Variants in STAP1 observed in about 807,000 individuals in gnomAD.
The protein encoded by STAP1 is signal transducing adaptor family member 1.
Under a neutral mutation model 37.8 loss-of-function variants are expected in STAP1, and 30 were observed. The ratio of observed to expected loss-of-function variants is 0.79; its 90% CI spans 0.59 to 1.08. The LOEUF is 1.08. Among genes scored for constraint, STAP1 ranks in the 50% least tolerant of loss-of-function variants. STAP1 has a pLI of 0.00. For synonymous variants in STAP1, 130 were observed against 116.0 expected (o/e 1.12, Z -0.78); for missense variants, 357 against 349.4 (o/e 1.02, Z -0.17).
chr4:67,564,407 A>T (rs1727419819), intron 1 of STAP1, among the ~76,000 whole-genome samples: 1 of 152,068 alleles, frequency 6.6e-6, no homozygotes, highest in Admixed American at 6.5e-5. Flanking sequence ...CACCTCTACA[A>T]TTTTTCTCGA....
chr4:67,589,863 G>A (rs182876173), intron 6 of STAP1, among the ~76,000 whole-genome samples: 109 of 151,550 alleles, frequency 7.2e-4, no homozygotes, highest in Non-Finnish European at 1.5e-3. Context: ...AGAATGCAGC[G>A]GCACCATCAT....
chr4:67,565,110 C>T (rs181732470), intron 1 of STAP1, among the ~76,000 whole-genome samples: 2 of 152,006 alleles, frequency 1.3e-5, no homozygotes, highest in Non-Finnish European at 2.9e-5. Context: ...AAGAGTTGGT[C>T]GGATAAGCAA....
At chr4:67,561,454 G>A (rs1292026759) in intron 1 of STAP1, among the ~76,000 whole-genome samples, 1 of 152,166 alleles carries the variant, frequency 6.6e-6, no homozygotes, top group Non-Finnish European at 1.5e-5. Context: ...GAAATGCTGA[G>A]AGGTGCTTCT....
chr4:67,575,179 C>A (rs903971173), intron 2 of STAP1, among the ~76,000 whole-genome samples: 14 of 152,094 alleles, frequency 9.2e-5, no homozygotes, highest in Non-Finnish European at 1.6e-4. Flanking sequence ...GAAAATTTAA[C>A]AATTGGCTTT....
chr4:67,569,081 A>G (rs938650582), intron 1 of STAP1, among the ~76,000 whole-genome samples: 2 of 152,238 alleles, frequency 1.3e-5, no homozygotes, highest in African/African-American at 4.8e-5. Context: ...GGTATAGCCT[A>G]TTACACACCT....
At chr4:67,602,829 C>T (rs1300556716) in intron 8 of STAP1, among the ~76,000 whole-genome samples, 2 of 152,098 alleles carry the variant, frequency 1.3e-5, no homozygotes, top group East Asian at 1.9e-4. Context: ...CTGGGTCATA[C>T]CTGGAGCCAG....
At chr4:67,595,788 C>A (rs967355563) in intron 8 of STAP1, among the ~76,000 whole-genome samples, 12 of 152,070 alleles carry the variant, frequency 7.9e-5, no homozygotes, top group African/African-American at 2.9e-4. Flanking sequence ...TAGAATCATC[C>A]TGTTGCCATC....
intron 8 of STAP1, among the ~76,000 whole-genome samples, chr4:67,594,474 T>G (rs1311816379): frequency 6.6e-6 from 1 of 151,522 alleles, no homozygotes; most frequent in Non-Finnish European, 1.5e-5. Context: ...TTGTAAATTG[T>G]GAATGTAAGA....
chr4:67,604,642 GA>G (rs1244595088), intron 8 of STAP1, among the ~76,000 whole-genome samples: 1 of 152,176 alleles, frequency 6.6e-6, no homozygotes, highest in African/African-American at 2.4e-5. Context: ...GAAAACTGGG[GA>G]ATTGGTCAAA....
chr4:67,569,626 T>G (rs1437776833), intron 1 of STAP1, among the ~76,000 whole-genome samples: 2 of 152,140 alleles, frequency 1.3e-5, no homozygotes, highest in Non-Finnish European at 2.9e-5. Flanking sequence ...TTTTTTTACT[T>G]TTTAAGCTTT....
chr4:67,572,116 T>C (rs1727619019), intron 2 of STAP1, among the ~76,000 whole-genome samples: 1 of 152,208 alleles, frequency 6.6e-6, no homozygotes, highest in Admixed American at 6.5e-5. Flanking sequence ...CCTGCCTGGG[T>C]GTTTGTCCTA....
rs1164807981 is a variant in STAP1 at position 67,558,874 on chromosome 4, C to T, written c.65C>T (p.Thr22Ile). 1 of 1,613,852 alleles carries T rather than the reference C, an allele frequency of 6.2e-7. No individual in the cohort carries two copies. Among genetic ancestry groups the T allele is most frequent in the Non-Finnish European group, 8.5e-7 (1 of 1,179,810 alleles). ...RRIFQERLKI[T>I]ALPLYFEGFL... is the part of the protein sequence containing the mutation. Reference sequence around the variant, plus strand: ...ATCTTCCAGGAAAGGTTAAAGATTACTGCTCTACCTTTGTACTTTGAAGGT... The same window carrying T: ...ATCTTCCAGGAAAGGTTAAAGATTATTGCTCTACCTTTGTACTTTGAAGGT... The change falls in exon 1 of 9, where the codon ACT (threonine) becomes ATT (isoleucine). Residue 22 changes from threonine (T) to isoleucine (I), a missense_variant. Transcript: ENST00000265404.
rs1045015453 is a variant in STAP1 at position 67,581,178 on chromosome 4, T to G, written c.364-127T>G. 9.6e-5 allele frequency: 83 copies of G among 865,876 alleles called. No homozygotes were observed. The African/African-American group carries it at 1.1e-3, about 11-fold the overall frequency. 53.6% of individuals were successfully genotyped at this position (865,876 alleles called of 1,614,324 possible). ...CTAAAATCCTCTGTTTCTTATTCCC[T>G]TAGTCCCTACTCATTCACCTCTGTC... On this transcript the variant is annotated intron_variant, in intron 4 of 8. Coordinates refer to ENST00000265404, the MANE Select transcript of STAP1 (RefSeq NM_012108.4).
chr4:67,570,228 G>T lies in STAP1; in HGVS notation c.121-856G>T, dbSNP rs146626840. ...AGTAAGTACATAAACCAGTAACATA[G>T]TCATTTATTAATCATTAACAAGTAT... On this transcript the variant is annotated intron_variant, in intron 1 of 8. Coordinates refer to ENST00000265404, the MANE Select transcript of STAP1 (RefSeq NM_012108.4). 2.4e-3 allele frequency among the ~76,000 whole-genome samples: 365 copies of T among 152,184 alleles called. 2 individuals are homozygous for T. The highest frequency in any genetic ancestry group is 8.4e-3 in the African/African-American group (347 of 41,496).
intron 1 of STAP1, among the ~76,000 whole-genome samples, chr4:67,569,498 C>T (rs1055771189): frequency 6.6e-6 from 1 of 152,096 alleles, no homozygotes; most frequent in African/African-American, 2.4e-5. Flanking sequence ...ATTTTTGACT[C>T]TTTTGTAATA....
chr4:67,600,199 T>A (rs1305912053), intron 8 of STAP1, among the ~76,000 whole-genome samples: 1 of 152,188 alleles, frequency 6.6e-6, no homozygotes. Flanking sequence ...GTCTCTTGAA[T>A]TGCCATTTTG....
chr4:67,577,654 T>TC (rs1560460010), intron 4 of STAP1, among the ~76,000 whole-genome samples: 1 of 143,410 alleles, frequency 7.0e-6, no homozygotes. Context: ...TTTCTTTCTT[T>TC]TTTTTTTTTT....
In STAP1 at chr4:67,595,149, C is replaced by T. The variant is rs190416841; in HGVS notation, c.826+1793C>T. ...AGAAGTGCTGTGATTTCATGTTTCACATTTAGATCTATGATACATTTTGAA... is the reference window on the plus strand; with the variant it reads ...AGAAGTGCTGTGATTTCATGTTTCATATTTAGATCTATGATACATTTTGAA... On this transcript the variant is annotated intron_variant, in intron 8 of 8. Transcript: ENST00000265404. Among the ~76,000 whole-genome samples the T allele has an allele frequency of 2.7e-3, 406 of 152,176 alleles. 3 individuals carry two copies. Among genetic ancestry groups the T allele is most frequent in the African/African-American group, 9.0e-3 (375 of 41,520 alleles).
At chr4:67,596,009 G>A (rs535017434) in intron 8 of STAP1, among the ~76,000 whole-genome samples, 1 of 152,258 alleles carries the variant, frequency 6.6e-6, no homozygotes, top group East Asian at 1.9e-4. Context: ...TTTTGTTGCT[G>A]GTAAATGATA....
Sources: gnomAD v4.1 joint callset for allele counts (sites outside exome capture counted in the v4.1 genomes callset) on GRCh38, gnomAD v4.1.1 for gene constraint, MANE v1.5 for transcripts, NCBI Gene and HGNC (gene_info 2026-07-23, HGNC 2026-07-21) for gene names.